Variants in ANOS1 observed in about 807,000 individuals in gnomAD.
The protein encoded by ANOS1 is anosmin-1.
In ANOS1, 6 loss-of-function variants were observed where a neutral mutation model predicts 59.0. That is an observed-to-expected ratio of 0.10 (90% CI 0.06 to 0.20). ANOS1 has a LOEUF of 0.20. Among genes scored for constraint, ANOS1 ranks in the 10% least tolerant of loss-of-function variants. The pLI is 1.00. For synonymous variants in ANOS1, 217 were observed against 223.4 expected (o/e 0.97, Z 0.25); for missense variants, 433 against 542.3 (o/e 0.80, Z 2.00).
intron 2 of ANOS1, among the ~76,000 whole-genome samples, chrX:8,674,417 A>C (rs1369250600): frequency 1.8e-5 from 2 of 112,232 alleles, no homozygotes; most frequent in African/African-American, 6.5e-5. Context: ...AAGTTTCACA[A>C]ACAGAATAAG....
intron 1 of ANOS1, among the ~76,000 whole-genome samples, chrX:8,708,589 T>C (rs1319437394): frequency 2.7e-5 from 3 of 111,605 alleles, no homozygotes; most frequent in African/African-American, 6.5e-5. Flanking sequence ...GTTAGAATGG[T>C]GATCATTAAA....
At chrX:8,668,136 G>A (rs928361338) in intron 2 of ANOS1, among the ~76,000 whole-genome samples, 31 of 107,549 alleles carry the variant, frequency 2.9e-4, no homozygotes, top group East Asian at 2.0e-3. Context: ...CCCATCACCC[G>A]AGCAGTATAC....
At chrX:8,581,454 C>T (rs763474644) in intron 6 of ANOS1, among the ~76,000 whole-genome samples, 3 of 111,726 alleles carry the variant, frequency 2.7e-5, no homozygotes, top group Non-Finnish European at 5.6e-5. Flanking sequence ...ACTAATACAA[C>T]ACCCAAAATT....
chrX:8,610,930 A>C (rs1484083787), intron 3 of ANOS1, among the ~76,000 whole-genome samples: 1 of 112,234 alleles, frequency 8.9e-6, no homozygotes, highest in Non-Finnish European at 1.9e-5. Context: ...CCAATCAAAA[A>C]TAATCCAGTG....
At chrX:8,648,506 T>A (rs1267156673) in intron 2 of ANOS1, among the ~76,000 whole-genome samples, 2 of 106,629 alleles carry the variant, frequency 1.9e-5, no homozygotes, top group African/African-American at 6.9e-5. Context: ...ATTGTGTAAC[T>A]GAGGAAACAA....
At chrX:8,626,988 T>G (rs1187344202) in intron 2 of ANOS1, among the ~76,000 whole-genome samples, 1 of 112,364 alleles carries the variant, frequency 8.9e-6, no homozygotes, top group Non-Finnish European at 1.9e-5. Flanking sequence ...TTATTTTTTC[T>G]AGACATTTGC....
intron 2 of ANOS1, among the ~76,000 whole-genome samples, chrX:8,696,025 A>G (rs1932680558): frequency 8.9e-6 from 1 of 112,214 alleles, no homozygotes; most frequent in Admixed American, 9.5e-5. Context: ...AAGAAATGTG[A>G]AATAACAGTA....
intron 2 of ANOS1, among the ~76,000 whole-genome samples, chrX:8,660,392 AC>A (rs766921980): frequency 9.0e-6 from 1 of 111,485 alleles, no homozygotes; most frequent in South Asian, 3.8e-4. Flanking sequence ...AGTTATTAAT[AC>A]TAACCTTTGC....
rs779357261 is a variant in ANOS1, at chrX:8,550,121, T to C, written c.1354+3831A>G. Among the ~76,000 whole-genome samples, 419 of 111,913 alleles carry C rather than the reference T, an allele frequency of 3.7e-3. 2 individuals carry two copies. Among genetic ancestry groups the C allele is most frequent in the African/African-American group, 0.013 (404 of 30,908 alleles). On this transcript the variant is annotated intron_variant, in intron 9 of 13. Transcript: ENST00000262648. ...TGCAAACAAATCATCAGAGAAAATG[T>C]TATAATTAACAAAGTGCTAAAACAA...
chrX:8,633,051 C>T (rs192797563), intron 2 of ANOS1, among the ~76,000 whole-genome samples: 1 of 111,541 alleles, frequency 9.0e-6, no homozygotes, highest in East Asian at 2.8e-4. Flanking sequence ...TCCTGTGTGT[C>T]GAAAAGTGCA....
At chrX:8,545,314 GA>G (rs1481887457) in intron 9 of ANOS1, among the ~76,000 whole-genome samples, 9 of 100,138 alleles carry the variant, frequency 9.0e-5, no homozygotes, top group Middle Eastern at 4.5e-3. Context: ...GAAAGGAAGG[GA>G]AAGGAAAGGA....
At chrX:8,669,692 A>G (rs1228421893) in intron 2 of ANOS1, among the ~76,000 whole-genome samples, 1 of 112,112 alleles carries the variant, frequency 8.9e-6, no homozygotes, top group African/African-American at 3.2e-5. Flanking sequence ...GTACATCATA[A>G]TATAGGTAAT....
chrX:8,596,846 C>T (rs1448545876), intron 4 of ANOS1, among the ~76,000 whole-genome samples, 188 bp downstream of exon 4: 1 of 111,757 alleles, frequency 8.9e-6, no homozygotes, highest in Admixed American at 9.5e-5. Flanking sequence ...TGCCCCATGT[C>T]GAGTTAATAT....
chrX:8,671,508 T>A (rs1932253871), intron 2 of ANOS1, among the ~76,000 whole-genome samples: 2 of 110,223 alleles, frequency 1.8e-5, no homozygotes, highest in Non-Finnish European at 3.8e-5. Context: ...TCTGTATGAG[T>A]AGTACCTTGC....
intron 1 of ANOS1, among the ~76,000 whole-genome samples, chrX:8,716,580 C>T (rs139604531): frequency 1.9e-3 from 214 of 112,010 alleles, no homozygotes; most frequent in African/African-American, 5.9e-3. Flanking sequence ...CACCAGCGAT[C>T]TGGATCCACA....
At chrX:8,658,655 C>T (rs1216346944) in intron 2 of ANOS1, among the ~76,000 whole-genome samples, 2 of 112,265 alleles carry the variant, frequency 1.8e-5, no homozygotes, top group African/African-American at 6.5e-5. Flanking sequence ...AGCCATGGAA[C>T]AACCTCCTTG....
chrX:8,614,266 C>T (rs1168881054), intron 3 of ANOS1, among the ~76,000 whole-genome samples: 4 of 112,146 alleles, frequency 3.6e-5, no homozygotes, highest in African/African-American at 1.3e-4. Context: ...AGGTAAAACA[C>T]AAAAATCACT....
At chrX:8,559,119 C>T (rs1349432100) in intron 8 of ANOS1, among the ~76,000 whole-genome samples, 2 of 111,625 alleles carry the variant, frequency 1.8e-5, no homozygotes, top group South Asian at 3.8e-4. Flanking sequence ...GATGGTGCAC[C>T]GGCAGTGAGC....
At chrX:8,674,355 T>G (rs976693514) in intron 2 of ANOS1, among the ~76,000 whole-genome samples, 3 of 112,276 alleles carry the variant, frequency 2.7e-5, no homozygotes, top group Admixed American at 1.9e-4. Context: ...TCTGTTTTGC[T>G]GTTTATGTTA....
Sources: gnomAD v4.1 joint callset for allele counts (sites outside exome capture counted in the v4.1 genomes callset) on GRCh38, gnomAD v4.1.1 for gene constraint, MANE v1.5 for transcripts, NCBI Gene and HGNC (gene_info 2026-07-23, HGNC 2026-07-21) for gene names.